TUBGCP4: variants seen among roughly 807,000 people sequenced by gnomAD.
The protein encoded by TUBGCP4 is tubulin gamma complex component 4.
Under a neutral mutation model 91.6 loss-of-function variants are expected in TUBGCP4, and 54 were observed. That is an observed-to-expected ratio of 0.59 (90% CI 0.47 to 0.74). The LOEUF (loss-of-function observed/expected upper bound fraction) is 0.74. Among genes scored for constraint, TUBGCP4 ranks in the 30% least tolerant of loss-of-function variants. The probability of loss-of-function intolerance (pLI) is 0.00; values close to 1 mark genes in which losing one functional copy is unlikely to be tolerated. For missense variants in TUBGCP4, 593 were observed against 800.9 expected (o/e 0.74, Z 3.13); for synonymous variants, 297 against 302.8 (o/e 0.98, Z 0.20).
intron 9 of TUBGCP4, among the ~76,000 whole-genome samples, chr15:43,389,363 A>G (rs1328823040): frequency 6.6e-6 from 1 of 152,252 alleles, no homozygotes; most frequent in East Asian, 1.9e-4. Context: ...TGATCATACT[A>G]TCTGCAAATG....
In TUBGCP4 at chr15:43,371,400, A is replaced by G. The variant is rs929930918; in HGVS notation, c.46A>G (p.Ile16Val). Residue 16 changes from isoleucine (I) to valine (V), a missense_variant, in exon 1 of 18, where the codon ATT becomes GTT. Coordinates refer to ENST00000564079, the MANE Select transcript of TUBGCP4 (RefSeq NM_014444.5). ...LLALSGYPGS[I>V]FTWNKRSGLQ... ...GGCTCTGAGCGGGTACCCTGGGTCC[A>G]TTTTCACCTGGAACAAGCGGAGTGG... The G allele has an allele frequency of 4.3e-6, 7 of 1,613,744 alleles. No individual in the cohort carries two copies. The highest frequency in any genetic ancestry group is 2.7e-5 in the African/African-American group (2 of 74,802).
At chr15:43,386,700 G>A (rs1252272788) in intron 9 of TUBGCP4, among the ~76,000 whole-genome samples, 2 of 136,580 alleles carry the variant, frequency 1.5e-5, no homozygotes, top group African/African-American at 5.8e-5. Flanking sequence ...ACTCCAACCT[G>A]GGCAACAGAG....
chr15:43,408,800 A>G lies in TUBGCP4; in HGVS notation c.*3586A>G. The G allele has an allele frequency of 8.0e-7, 1 of 1,253,960 alleles. No individual in the cohort carries two copies. The highest frequency in any genetic ancestry group is 1.1e-6 in the Non-Finnish European group (1 of 880,588). The allele number at this position is 1,253,960 out of a possible 1,614,324, so 77.7% of individuals were successfully genotyped here. ...TCAAATTTATCCCACAGACATTCCA[A>G]TTTCTAGAAAGCTTTACTCTCTCAC... On this transcript the variant is annotated 3_prime_UTR_variant, in exon 18 of 18. Coordinates refer to ENST00000564079, the MANE Select transcript of TUBGCP4 (RefSeq NM_014444.5).
chr15:43,386,012 C>T (rs2044351455), intron 8 of TUBGCP4, 56 bp downstream of exon 8: 2 of 1,593,346 alleles, frequency 1.3e-6, no homozygotes, highest in Admixed American at 3.4e-5. Context: ...TTCCTTAATA[C>T]TATGTGGCCC....
At chr15:43,403,492 G>A in intron 15 of TUBGCP4, 191 bp from the exon 16 acceptor site, 1 of 551,054 alleles carries the variant, frequency 1.8e-6, no homozygotes, top group Non-Finnish European at 3.3e-6. Flanking sequence ...GCCAGGAAAG[G>A]ATGCATTTGT....
At chr15:43,386,944 G>A (rs2044385005) in intron 9 of TUBGCP4, among the ~76,000 whole-genome samples, 1 of 152,078 alleles carries the variant, frequency 6.6e-6, no homozygotes, top group Admixed American at 6.6e-5. Context: ...TGGTTAGTTA[G>A]TTGAATAAAG....
At chr15:43,373,968 A>C (rs2044164684) in intron 1 of TUBGCP4, among the ~76,000 whole-genome samples, 1 of 152,182 alleles carries the variant, frequency 6.6e-6, no homozygotes, top group South Asian at 2.1e-4. Flanking sequence ...CAGGTTCTTA[A>C]GCACCGTGTT....
At chr15:43,401,451 C>CAA (rs34185848) in intron 14 of TUBGCP4, among the ~76,000 whole-genome samples, 27 of 112,808 alleles carry the variant, frequency 2.4e-4, no homozygotes, top group African/African-American at 4.7e-4. Context: ...GACTCCGTCT[C>CAA]AAAAAAAAAA....
chr15:43,377,698 A>C, intron 4 of TUBGCP4, 149 bp from the exon 5 acceptor site: 1 of 621,678 alleles, frequency 1.6e-6, no homozygotes, highest in Non-Finnish European at 2.8e-6. Flanking sequence ...CTCCACATCA[A>C]ATTGCCTTAG....
At position 43,407,955 on chromosome 15, in the gene TUBGCP4, C is replaced by T. The variant is rs747812236; in HGVS notation, c.*2741C>T. On this transcript the variant is annotated 3_prime_UTR_variant, in exon 18 of 18. Coordinates refer to ENST00000564079, the MANE Select transcript of TUBGCP4 (RefSeq NM_014444.5). ...CTCTTTCAGGTACCTTTGTTATGGG[C>T]ACTTGAATGGTGCTGCTTCACAGAG... 6.2e-7 allele frequency: 1 copy of T among 1,612,676 alleles called. No homozygotes were observed. Among genetic ancestry groups the T allele is most frequent in the Non-Finnish European group, 8.5e-7 (1 of 1,179,824 alleles).
chr15:43,398,085 C>T lies in TUBGCP4; in HGVS notation c.1324C>T (p.Arg442Trp), dbSNP rs1323803781. The T allele has an allele frequency of 8.7e-6, 14 of 1,614,004 alleles. No homozygotes were observed. The East Asian group carries it at 1.8e-4, about 21-fold the overall frequency. Residue 442 changes from arginine (R) to tryptophan (W), a missense_variant, in exon 13 of 18, where the codon CGG (arginine) becomes TGG (tryptophan). Arg to Trp is a moderately radical substitution (Grantham distance 101, BLOSUM62 -3). Coordinates refer to ENST00000564079, the MANE Select transcript of TUBGCP4 (RefSeq NM_014444.5). ...AGGGCCTTCTCGGGAAACTTCTCCCCGGGAAGCCCCTGCATCTGGCTGGGC... is the reference window on the plus strand; with the variant it reads ...AGGGCCTTCTCGGGAAACTTCTCCCTGGGAAGCCCCTGCATCTGGCTGGGC... ...REGPSRETSP[R>W]EAPASGWAAL...
intron 9 of TUBGCP4, among the ~76,000 whole-genome samples, chr15:43,387,238 C>T (rs778941659): frequency 5.3e-5 from 8 of 152,008 alleles, no homozygotes; most frequent in Non-Finnish European, 8.8e-5. Context: ...GCCAGGCCTC[C>T]GACTCCTGGT....
chr15:43,376,706 G>C, intron 3 of TUBGCP4, 81 bp downstream of exon 3: 15 of 1,589,590 alleles, frequency 9.4e-6, no homozygotes, highest in Non-Finnish European at 1.1e-5. Context: ...CCTTTGATAA[G>C]ATCAGGTAGT....
chr15:43,408,285 C>T lies in TUBGCP4; in HGVS notation c.*3071C>T, dbSNP rs1028030204. ...TTGGGCCTGGGAGTTCGAGACCAGCCTGGGCAATGTGGTGAGACCCCATCT... is the reference window on the plus strand; with the variant it reads ...TTGGGCCTGGGAGTTCGAGACCAGCTTGGGCAATGTGGTGAGACCCCATCT... On this transcript the variant is annotated 3_prime_UTR_variant, in exon 18 of 18. Coordinates refer to ENST00000564079, the MANE Select transcript of TUBGCP4 (RefSeq NM_014444.5). 2 of 552,748 alleles carry T rather than the reference C, an allele frequency of 3.6e-6. No homozygotes were observed. Among genetic ancestry groups the T allele is most frequent in the African/African-American group, 3.8e-5 (2 of 52,380 alleles). 34.2% of individuals were successfully genotyped at this position (552,748 alleles called of 1,614,324 possible). A position where few individuals can be genotyped will look rare whatever the true frequency, so the allele number is the denominator to read the frequency against.
chr15:43,400,798 G>A (rs549652482), intron 14 of TUBGCP4, among the ~76,000 whole-genome samples: 1 of 152,174 alleles, frequency 6.6e-6, no homozygotes, highest in South Asian at 2.1e-4. Flanking sequence ...CCTGTTTGTA[G>A]TCCCAGCTAC....
chr15:43,376,957 T>C, intron 3 of TUBGCP4, 57 bp from the exon 4 acceptor site: 1 of 1,396,504 alleles, frequency 7.2e-7, no homozygotes, highest in Non-Finnish European at 1.0e-6. Flanking sequence ...TTTTCATAGA[T>C]CAAATAGATT....
In TUBGCP4 at chr15:43,405,425, A is replaced by T; in HGVS notation, c.*211A>T. 5.0e-6 allele frequency: 3 copies of T among 605,674 alleles called. No individual in the cohort carries two copies. Among genetic ancestry groups the T allele is most frequent in the Non-Finnish European group, 8.8e-6 (3 of 340,410 alleles). 37.5% of individuals were successfully genotyped at this position (605,674 alleles called of 1,614,324 possible). A position where few individuals can be genotyped will look rare whatever the true frequency, so the allele number is the denominator to read the frequency against. On this transcript the variant is annotated 3_prime_UTR_variant, in exon 18 of 18. Transcript: ENST00000564079. ...AAGGGTCTCTCCCATCAAGGAGAAC[A>T]TGTGGCATCTCTGATCCTTTACATT...
At chr15:43,394,388 T>A (rs1341670021) in intron 9 of TUBGCP4, 1 of 152,200 alleles carries the variant, frequency 6.6e-6, no homozygotes. Context: ...TGGGCTATTT[T>A]CTCACAATTT....
In TUBGCP4 at chr15:43,406,285, C is replaced by A. The variant is rs2044876279; in HGVS notation, c.*1071C>A. 9.7e-6 allele frequency: 2 copies of A among 207,136 alleles called. No individual in the cohort carries two copies. Among genetic ancestry groups the A allele is most frequent in the South Asian group, 1.7e-4 (2 of 12,054 alleles). The allele number at this position is 207,136 out of a possible 1,614,324, so 12.8% of individuals were successfully genotyped here. On this transcript the variant is annotated 3_prime_UTR_variant, in exon 18 of 18. Coordinates refer to ENST00000564079, the MANE Select transcript of TUBGCP4 (RefSeq NM_014444.5). ...ACGCCCTCCAAACTGAAAAAGAATGCAGTGTTCTGGCATCAGGTTATAGTC... is the reference window on the plus strand; with the variant it reads ...ACGCCCTCCAAACTGAAAAAGAATGAAGTGTTCTGGCATCAGGTTATAGTC...
Sources: allele counts gnomAD v4.1 joint callset (sites outside exome capture counted in the v4.1 genomes callset), GRCh38; gene constraint gnomAD v4.1.1; transcripts MANE v1.5; gene names NCBI Gene and HGNC (gene_info 2026-07-23, HGNC 2026-07-21).